Variants in SLC20A2 observed in about 807,000 individuals in gnomAD.
The protein encoded by SLC20A2 is sodium-dependent phosphate transporter 2.
SLC20A2 carries 30 observed loss-of-function variants against 61.0 expected under a neutral mutation model. That is an observed-to-expected ratio of 0.49 (90% confidence interval 0.37 to 0.67). The LOEUF is 0.67. Ranked by LOEUF, SLC20A2 falls within the 30% of genes least tolerant of loss-of-function variation. The pLI is 0.00. For synonymous variants in SLC20A2, 351 were observed against 353.3 expected (o/e 0.99, Z 0.07); for missense variants, 626 against 866.4 (o/e 0.72, Z 3.48).
At position 42,430,098 on chromosome 8, in the gene SLC20A2, T is replaced by A. The variant is rs1461227890; in HGVS notation, c.1675A>T (p.Met559Leu). ...GTGATGGGAGTGAGGTCCTTCCCCA[T>A]GGTCTGGATCACTCTTCTCCCCCAG... ...WVWGRRVIQT[M>L]GKDLTPITPS... The change falls in exon 9 of 11, where the codon ATG (methionine) becomes TTG (leucine). Residue 559 changes from methionine to leucine, a missense_variant. Physicochemically the swap from Met to Leu is conservative, Grantham distance 15 (BLOSUM62 2). Around this residue, in one of 3 missense-constraint regions of SLC20A2, gnomAD observed 138 missense variants for 228.7 expected, o/e 0.60. Coordinates refer to ENST00000520262, the MANE Select transcript of SLC20A2 (RefSeq NM_001257180.2). 1 of 1,612,896 alleles carries A rather than the reference T, an allele frequency of 6.2e-7. No individual in the cohort carries two copies. The highest frequency in any genetic ancestry group is 8.5e-7 in the Non-Finnish European group (1 of 1,179,658).
At position 42,417,006 on chromosome 8, in the gene SLC20A2, G is replaced by C. The variant is rs915063378; in HGVS notation, c.*797C>G. On this transcript the variant is annotated 3_prime_UTR_variant, in exon 11 of 11. Coordinates refer to ENST00000520262, the MANE Select transcript of SLC20A2 (RefSeq NM_001257180.2). The stretch of plus-strand genomic sequence containing the variant: ...CACGGCGTGGCGCATGCTGGGTGAC[G>C]GTGTCACCGCCACACACTGCTCTGG... The C allele has an allele frequency of 1.3e-5, 2 of 152,678 alleles. No homozygotes were observed. Among genetic ancestry groups the C allele is most frequent in the Non-Finnish European group, 2.9e-5 (2 of 68,074 alleles). The allele number at this position is 152,678 out of a possible 1,614,324, so 9.5% of individuals were successfully genotyped here. A position where few individuals can be genotyped will look rare whatever the true frequency, so the allele number is the denominator to read the frequency against.
At chr8:42,497,874 T>C (rs1810045206) in intron 1 of SLC20A2, among the ~76,000 whole-genome samples, 1 of 152,134 alleles carries the variant, frequency 6.6e-6, no homozygotes, top group African/African-American at 2.4e-5. Flanking sequence ...TACTCCCCAG[T>C]ACCCAAGCCT....
intron 1 of SLC20A2, among the ~76,000 whole-genome samples, chr8:42,477,295 T>A (rs1808198002): frequency 6.6e-6 from 1 of 151,434 alleles, no homozygotes; most frequent in Non-Finnish European, 1.5e-5. Flanking sequence ...AAATGAGAGG[T>A]TCCAGAATCC....
chr8:42,499,691 T>C (rs1810196249), intron 1 of SLC20A2, among the ~76,000 whole-genome samples: 1 of 152,174 alleles, frequency 6.6e-6, no homozygotes, highest in East Asian at 1.9e-4. Flanking sequence ...TATTAACAAT[T>C]AGAAGTAAGA....
chr8:42,505,028 C>A (rs1404645424), upstream of SLC20A2, among the ~76,000 whole-genome samples: 2 of 151,476 alleles, frequency 1.3e-5, no homozygotes, highest in African/African-American at 4.9e-5. Context: ...TATGAAGACG[C>A]AGTTTATGTG....
In SLC20A2 at chr8:42,439,626, G is replaced by A; in HGVS notation, c.758C>T (p.Ser253Leu). 6.2e-7 allele frequency: 1 copy of A among 1,614,110 alleles called. No homozygotes were observed. Among genetic ancestry groups the A allele is most frequent in the Non-Finnish European group, 8.5e-7 (1 of 1,179,938 alleles). ...TGKLQKEGAL[S>L]RVSDESLSKV... ...ACTGAGGCTTTCGTCAGATACTCGT[G>A]ATAAAGCACCTTCTTTTTGTAATTT... Residue 253 changes from serine to leucine, a missense_variant, in exon 7 of 11, where the codon TCA (serine) becomes TTA (leucine). By Grantham distance (145) the Ser-to-Leu change is moderately radical. Around this residue, in one of 3 missense-constraint regions of SLC20A2, gnomAD observed 361 missense variants for 422.3 expected, o/e 0.85. Transcript: ENST00000520262.
chr8:42,477,000 G>A (rs1209820921), intron 1 of SLC20A2, among the ~76,000 whole-genome samples: 1 of 152,160 alleles, frequency 6.6e-6, no homozygotes, highest in African/African-American at 2.4e-5. Context: ...AAAGGCCAAA[G>A]CTCAATGCCA....
intron 1 of SLC20A2, among the ~76,000 whole-genome samples, chr8:42,490,205 T>A (rs1266617117): frequency 6.6e-6 from 1 of 152,146 alleles, no homozygotes; most frequent in African/African-American, 2.4e-5. Context: ...CTTAAAAAAA[T>A]TATCATTATA....
chr8:42,495,135 A>T (rs1809824863), intron 1 of SLC20A2, among the ~76,000 whole-genome samples: 1 of 152,078 alleles, frequency 6.6e-6, no homozygotes, highest in African/African-American at 2.4e-5. Context: ...GATTAAAGCC[A>T]TGAGCCACTG....
chr8:42,464,090 ATCTTTTTTTTTT>A (rs1239447993), intron 3 of SLC20A2, among the ~76,000 whole-genome samples: 6 of 19,996 alleles, frequency 3.0e-4, no homozygotes, highest in African/African-American at 6.6e-4. Context: ...AGGCTGGATG[ATCTTTTTTTTTT>A]TTTTTTTTTT....
At position 42,430,138 on chromosome 8, in the gene SLC20A2, G is replaced by A. The variant is rs367991545; in HGVS notation, c.1635C>T (p.Cys545=). 10 of 1,613,946 alleles carry A rather than the reference G, an allele frequency of 6.2e-6. No homozygotes were observed. Among genetic ancestry groups the A allele is most frequent in the East Asian group, 2.2e-5 (1 of 44,890 alleles). The change falls in exon 9 of 11, where the codon TGC becomes TGT. Residue 545 remains cysteine, a synonymous_variant. Transcript: ENST00000520262. The stretch of plus-strand genomic sequence containing the variant: ...TTCTCCCCCAGACCCAGAGGCCTGT[G>A]CAGATTCCAACTCCTCCATAAAACA... ...WLLFYGGVGI[C]TGLWVWGRRV...
chr8:42,466,131 T>A (rs1807142169), intron 2 of SLC20A2, among the ~76,000 whole-genome samples: 1 of 152,136 alleles, frequency 6.6e-6, no homozygotes, highest in Non-Finnish European at 1.5e-5. Flanking sequence ...GGGACAGGGA[T>A]GATGGTTATT....
chr8:42,444,710 G>A lies in SLC20A2; in HGVS notation c.666C>T (p.Val222=), dbSNP rs772314521. The A allele has an allele frequency of 1.7e-5, 28 of 1,613,822 alleles. No individual in the cohort carries two copies. Among genetic ancestry groups the A allele is most frequent in the African/African-American group, 2.7e-5 (2 of 74,922 alleles). The change falls in exon 6 of 11, where the codon GTC becomes GTT. Residue 222 remains valine, a synonymous_variant. Transcript: ENST00000520262. ...MWAIALISFG[V]ALLFAFFVWL... is the part of the protein sequence containing the mutation. The stretch of plus-strand genomic sequence containing the variant: ...ACACAAAAAAAGCGAACAGGAGGGC[G>A]ACACCAAAGGAAATGAGGGCTATGG...
intron 1 of SLC20A2, among the ~76,000 whole-genome samples, chr8:42,477,445 A>G (rs1419779563): frequency 7.2e-6 from 1 of 139,058 alleles, no homozygotes; most frequent in Non-Finnish European, 1.5e-5. Context: ...AGACTGACAC[A>G]TGTTGTGAGG....
chr8:42,441,846 T>C (rs1328563114), intron 6 of SLC20A2, among the ~76,000 whole-genome samples: 2 of 151,964 alleles, frequency 1.3e-5, no homozygotes, highest in African/African-American at 4.9e-5. Flanking sequence ...TTTGTAGTTA[T>C]GGGATGTGCA....
In SLC20A2 at chr8:42,417,943, A is replaced by G; in HGVS notation, c.1819T>C (p.Trp607Arg). 6.2e-7 allele frequency: 1 copy of G among 1,613,824 alleles called. No individual in the cohort carries two copies. Among genetic ancestry groups the G allele is most frequent in the Non-Finnish European group, 8.5e-7 (1 of 1,179,846 alleles). ...CKVGSVVAVG[W>R]IRSRKAVDWR... ...TCCACAGCCTTGCGGGAGCGGATCC[A>G]GCCCACGGCCACCACCGAGCCCACC... Residue 607 changes from tryptophan to arginine, a missense_variant, in exon 11 of 11, where the codon TGG becomes CGG. By Grantham distance (101) the Trp-to-Arg change is moderately radical (BLOSUM62 -3). Around this residue, in one of 3 missense-constraint regions of SLC20A2, gnomAD observed 138 missense variants for 228.7 expected, o/e 0.60. Coordinates refer to ENST00000520262, the MANE Select transcript of SLC20A2 (RefSeq NM_001257180.2).
chr8:42,510,941 G>A (rs1373847123), intron 1 of SLC20A2, among the ~76,000 whole-genome samples: 1 of 151,922 alleles, frequency 6.6e-6, no homozygotes, highest in Admixed American at 6.6e-5. Context: ...GCTATATAAA[G>A]TAATGATGAA....
At chr8:42,532,004 T>A (rs886314728) in intron 1 of SLC20A2, among the ~76,000 whole-genome samples, 12 of 151,504 alleles carry the variant, frequency 7.9e-5, no homozygotes, top group South Asian at 2.1e-4. Context: ...TTTTTTTGTA[T>A]TTTTAGTAGA....
At position 42,438,063 on chromosome 8, in the gene SLC20A2, C is replaced by CAAAA. The variant is rs1391262305; in HGVS notation, c.935-490_935-487dup. Among the ~76,000 whole-genome samples the CAAAA allele has an allele frequency of 6.1e-3, 164 of 26,826 alleles. 5 individuals carry two copies. The highest frequency in any genetic ancestry group is 0.011 in the East Asian group (7 of 638). 17.6% of individuals were successfully genotyped at this position (26,826 alleles called of 152,430 possible). A position where few individuals can be genotyped will look rare whatever the true frequency, so the allele number is the denominator to read the frequency against. ...TATGGTTACCACTAAAAAAAAAAAC[C>CAAAA]AAAAAAAAAAAAAAAAAAAAAAAAA... is the stretch of plus-strand genomic sequence containing the variant. On this transcript the variant is annotated intron_variant, in intron 7 of 10. Transcript: ENST00000520262.
Sources: allele counts gnomAD v4.1 joint callset (sites outside exome capture counted in the v4.1 genomes callset), GRCh38; gene constraint gnomAD v4.1.1; regional missense constraint gnomAD v4.1.1; transcripts MANE v1.5; gene names NCBI Gene and HGNC (gene_info 2026-07-23, HGNC 2026-07-21).